Variants in ZNF461 observed in about 807,000 individuals in gnomAD.
ZNF461 encodes the protein zinc finger protein 461.
In ZNF461, 16 loss-of-function variants were observed where a neutral mutation model predicts 18.3. The ratio of observed to expected loss-of-function variants is 0.88; its 90% confidence interval spans 0.59 to 1.33. The LOEUF (loss-of-function observed/expected upper bound fraction) is 1.33, where lower values mean the gene tolerates loss of function less well. Among genes scored for constraint, ZNF461 ranks in the 40% most tolerant of loss-of-function variants. The pLI, the probability that ZNF461 is intolerant of heterozygous loss-of-function variation, is 0.00. For missense variants in ZNF461, 595 were observed against 669.9 expected (o/e 0.89, Z 1.23); for synonymous variants, 179 against 216.9 (o/e 0.83, Z 1.54).
chr19:36,638,769 GATAA>G lies in ZNF461; in HGVS notation c.1572_1575del (p.Tyr525AsnfsTer36). On this transcript the variant is annotated frameshift_variant, in exon 6 of 6. Coordinates refer to ENST00000588268, the MANE Select transcript of ZNF461 (RefSeq NM_153257.5). LOFTEE classifies it low-confidence loss of function (END_TRUNC). ...CTATGATTAAACGCCTTCCCGCATT[GATAA>G]GGTTTCTTTCCAGAATGAATTCTCT... 2 of 1,614,140 alleles carry G rather than the reference GATAA, an allele frequency of 1.2e-6. No homozygotes were observed. The highest frequency in any genetic ancestry group is 8.5e-7 in the Non-Finnish European group (1 of 1,180,024).
At chr19:36,660,937 T>C (rs1011789089) in intron 2 of ZNF461, among the ~76,000 whole-genome samples, 8 of 152,124 alleles carry the variant, frequency 5.3e-5, no homozygotes, top group African/African-American at 1.7e-4. Context: ...ATATATGCTT[T>C]AAGCAAATTT....
At chr19:36,664,197 G>C (rs2037864203) in intron 2 of ZNF461, among the ~76,000 whole-genome samples, 1 of 152,182 alleles carries the variant, frequency 6.6e-6, no homozygotes, top group Admixed American at 6.5e-5. Flanking sequence ...ATGAGTTGGA[G>C]ATGAGAGGAG....
At position 36,637,819 on chromosome 19, in the gene ZNF461, A is replaced by G; in HGVS notation, c.*834T>C. ...AAATATTCCCGTTAGAATAAAAGGA[A>G]ACTGATAGCAGTTGTTGCATCTGTG... On this transcript the variant is annotated 3_prime_UTR_variant, in exon 6 of 6. Coordinates refer to ENST00000588268, the MANE Select transcript of ZNF461 (RefSeq NM_153257.5). 2.3e-6 allele frequency: 1 copy of G among 433,072 alleles called. No individual in the cohort carries two copies. Among genetic ancestry groups the G allele is most frequent in the Non-Finnish European group, 4.6e-6 (1 of 216,736 alleles). 26.8% of individuals were successfully genotyped at this position (433,072 alleles called of 1,614,324 possible).
chr19:36,660,104 T>C (rs2145412527), intron 2 of ZNF461, among the ~76,000 whole-genome samples: 1 of 152,080 alleles, frequency 6.6e-6, no homozygotes, highest in Admixed American at 6.6e-5. Flanking sequence ...TCATCCTTGT[T>C]TCTCATTGTT....
Position 36,637,880 on chromosome 19 carries a change from G to T in ZNF461, c.*773C>A, listed in dbSNP as rs1259260279. On this transcript the variant is annotated 3_prime_UTR_variant, in exon 6 of 6. Coordinates refer to ENST00000588268, the MANE Select transcript of ZNF461 (RefSeq NM_153257.5). ...GGCTACAGAACTGGATGTTAGGGGA[G>T]AATTAATTTTCACATTTTTGGTAAT... 2 of 376,948 alleles carry T rather than the reference G, an allele frequency of 5.3e-6. No individual in the cohort carries two copies. Among genetic ancestry groups the T allele is most frequent in the Non-Finnish European group, 1.0e-5 (2 of 192,660 alleles). 23.4% of individuals were successfully genotyped at this position (376,948 alleles called of 1,614,324 possible).
chr19:36,658,792 T>C (rs971086328), intron 2 of ZNF461, among the ~76,000 whole-genome samples: 2 of 152,246 alleles, frequency 1.3e-5, no homozygotes, highest in Admixed American at 6.5e-5. Flanking sequence ...AGATTTTTAT[T>C]CATGATTATG....
At position 36,638,480 on chromosome 19, in the gene ZNF461, T is replaced by G; in HGVS notation, c.*173A>C. On this transcript the variant is annotated 3_prime_UTR_variant, in exon 6 of 6. Coordinates refer to ENST00000588268, the MANE Select transcript of ZNF461 (RefSeq NM_153257.5). The stretch of plus-strand genomic sequence containing the variant: ...TCTCAATAATGGTTAATACAATAAC[T>G]CAGAAACAGCATTAAAATGAGACCA... 1.9e-6 allele frequency: 1 copy of G among 524,348 alleles called. No individual in the cohort carries two copies. Among genetic ancestry groups the G allele is most frequent in the Non-Finnish European group, 3.3e-6 (1 of 306,184 alleles). 32.5% of individuals were successfully genotyped at this position (524,348 alleles called of 1,614,324 possible).
chr19:36,640,128 CA>C lies in ZNF461; in HGVS notation c.302-86del, dbSNP rs1286465256. On this transcript the variant is annotated intron_variant, in intron 5 of 5. Coordinates refer to ENST00000588268, the MANE Select transcript of ZNF461 (RefSeq NM_153257.5). ...CTATGGTAGCAATGAGAGATAACTGCAAATAATTCATATAAGAAATAAAAGG... is the reference window on the plus strand; with the variant it reads ...CTATGGTAGCAATGAGAGATAACTGCAATAATTCATATAAGAAATAAAAGG... The C allele has an allele frequency of 2.6e-6, 3 of 1,141,718 alleles. No individual in the cohort carries two copies. In the African/African-American group the frequency reaches 4.7e-5, roughly 18 times the overall value. 70.7% of individuals were successfully genotyped at this position (1,141,718 alleles called of 1,614,324 possible). A position where few individuals can be genotyped will look rare whatever the true frequency, so the allele number is the denominator to read the frequency against.
chr19:36,640,807 ATTAAT>A (rs1321079865), intron 5 of ZNF461, among the ~76,000 whole-genome samples: 1 of 152,220 alleles, frequency 6.6e-6, no homozygotes, highest in Non-Finnish European at 1.5e-5. Context: ...AAAAAAGAAA[ATTAAT>A]TTAAACATCT....
chr19:36,652,762 T>C (rs913751259), intron 4 of ZNF461, among the ~76,000 whole-genome samples: 2 of 152,102 alleles, frequency 1.3e-5, no homozygotes, highest in Admixed American at 1.3e-4. Flanking sequence ...TGTGGAAGCT[T>C]TGTTCTTTCG....
In ZNF461 at chr19:36,639,546, G is replaced by A; in HGVS notation, c.799C>T (p.His267Tyr). Residue 267 changes from histidine (H) to tyrosine (Y), a missense_variant, in exon 6 of 6, where the codon CAT becomes TAT. Physicochemically the swap from His to Tyr is moderately conservative, Grantham distance 83 (BLOSUM62 2). Transcript: ENST00000588268. Reference protein sequence around the residue: ...HCSQLKHLRIHNGEKRYECNE... With the variant: ...HCSQLKHLRIYNGEKRYECNE... ...CATTCATAGCGTTTTTCACCATTAT[G>A]AATTCTTAGATGTTTAAGTTGTGAG... 6.2e-7 allele frequency: 1 copy of A among 1,613,342 alleles called. No homozygotes were observed. Among genetic ancestry groups the A allele is most frequent in the South Asian group, 1.1e-5 (1 of 91,042 alleles).
At position 36,643,862 on chromosome 19, in the gene ZNF461, C is replaced by T; in HGVS notation, c.233G>A (p.Gly78Asp). 1.3e-6 allele frequency: 2 copies of T among 1,511,192 alleles called. No homozygotes were observed. Among genetic ancestry groups the T allele is most frequent in the East Asian group, 2.5e-5 (1 of 39,858 alleles). 93.6% of individuals were successfully genotyped at this position (1,511,192 alleles called of 1,614,324 possible). A position where few individuals can be genotyped will look rare whatever the true frequency, so the allele number is the denominator to read the frequency against. The change falls in exon 5 of 6, where the codon GGT (glycine) becomes GAT (aspartate). Residue 78 changes from glycine (G) to aspartate (D), a missense_variant and splice_region_variant. Coordinates refer to ENST00000588268, the MANE Select transcript of ZNF461 (RefSeq NM_153257.5). Reference sequence around the variant, plus strand: ...GTGAAATCCCCAAGTTTTCCATGTACCTACATGGAAACAAAAGAATAAATA... The same window carrying T: ...GTGAAATCCCCAAGTTTTCCATGTATCTACATGGAAACAAAAGAATAAATA... Reference protein sequence around the residue: ...VREETGRWCPGTWKTWGFHNN... With the variant: ...VREETGRWCPDTWKTWGFHNN...
At position 36,638,561 on chromosome 19, in the gene ZNF461, T is replaced by C; in HGVS notation, c.*92A>G. 1.0e-6 allele frequency: 1 copy of C among 990,492 alleles called. No individual in the cohort carries two copies. Among genetic ancestry groups the C allele is most frequent in the Non-Finnish European group, 1.4e-6 (1 of 701,118 alleles). The allele number at this position is 990,492 out of a possible 1,614,324, so 61.4% of individuals were successfully genotyped here. On this transcript the variant is annotated 3_prime_UTR_variant, in exon 6 of 6. Transcript: ENST00000588268. ...CTTAAAAACATTTGATTTTCAAGGA[T>C]TATTTAAATAAATAAATACTAATGA... is the stretch of plus-strand genomic sequence containing the variant.
intron 2 of ZNF461, 101 bp from the exon 3 acceptor site, chr19:36,658,526 C>T (rs1157053863): frequency 8.3e-7 from 1 of 1,204,590 alleles, no homozygotes; most frequent in Admixed American, 2.5e-5. Flanking sequence ...AGGAGACAGT[C>T]TACTGAATAT....
chr19:36,641,583 A>G (rs145740765), intron 5 of ZNF461, among the ~76,000 whole-genome samples: 3 of 150,442 alleles, frequency 2.0e-5, no homozygotes, highest in Non-Finnish European at 4.4e-5. Context: ...TTACCCATAA[A>G]GCTACTCAAG....
At chr19:36,663,951 A>G (rs2037860030) in intron 2 of ZNF461, among the ~76,000 whole-genome samples, 1 of 152,170 alleles carries the variant, frequency 6.6e-6, no homozygotes, top group South Asian at 2.1e-4. Flanking sequence ...AGAAGGGAAG[A>G]TATGTATGTA....
Position 36,637,570 on chromosome 19 carries a change from A to G in ZNF461, c.*1083T>C, listed in dbSNP as rs942177943. The G allele has an allele frequency of 1.1e-5, 2 of 189,766 alleles. No homozygotes were observed. Among genetic ancestry groups the G allele is most frequent in the Non-Finnish European group, 2.2e-5 (2 of 90,788 alleles). The allele number at this position is 189,766 out of a possible 1,614,324, so 11.8% of individuals were successfully genotyped here. On this transcript the variant is annotated 3_prime_UTR_variant, in exon 6 of 6. Transcript: ENST00000588268. ...TATTGGCCGGGCATAGTGGCTGCGCATGCCTGTAGTCCCAGCTACTCAGGA... is the reference window on the plus strand; with the variant it reads ...TATTGGCCGGGCATAGTGGCTGCGCGTGCCTGTAGTCCCAGCTACTCAGGA...
chr19:36,640,595 C>T (rs757307542), intron 5 of ZNF461, among the ~76,000 whole-genome samples: 3 of 152,154 alleles, frequency 2.0e-5, no homozygotes, highest in Admixed American at 2.0e-4. Flanking sequence ...TTATGTAATA[C>T]CATCTGAGTT....
intron 2 of ZNF461, among the ~76,000 whole-genome samples, chr19:36,663,984 A>G (rs1225919149): frequency 6.6e-6 from 1 of 152,120 alleles, no homozygotes. Context: ...TTCCCCACTG[A>G]TTTATTCCGT....
Sources: gnomAD v4.1 joint callset for allele counts (sites outside exome capture counted in the v4.1 genomes callset) on GRCh38, gnomAD v4.1.1 for gene constraint, MANE v1.5 for transcripts, NCBI Gene and HGNC (gene_info 2026-07-23, HGNC 2026-07-21) for gene names.